Variants in CASS4 observed in about 807,000 individuals in gnomAD.
CASS4 encodes the protein cas scaffolding protein family member 4.
A neutral mutation model predicts 54.2 loss-of-function variants in CASS4; 22 were observed. The ratio of observed to expected loss-of-function variants is 0.41; its 90% CI spans 0.29 to 0.58. CASS4 has a LOEUF of 0.58. CASS4 is among the 20% of genes least tolerant of loss of function. The probability of loss-of-function intolerance (pLI) is 0.36; values close to 1 mark genes in which losing one functional copy is unlikely to be tolerated. For synonymous variants in CASS4, 409 were observed against 391.5 expected (o/e 1.04, Z -0.53); for missense variants, 854 against 986.7 (o/e 0.87, Z 1.80).
intron 4 of CASS4, among the ~76,000 whole-genome samples, chr20:56,451,284 A>T (rs1980982130): frequency 6.6e-6 from 1 of 152,168 alleles, no homozygotes; most frequent in African/African-American, 2.4e-5. Context: ...TCTTCTTACG[A>T]CAGACCTCAG....
At chr20:56,413,187 A>AAAG (rs1430434218) in intron 1 of CASS4, among the ~76,000 whole-genome samples, 4 of 151,842 alleles carry the variant, frequency 2.6e-5, no homozygotes, top group Non-Finnish European at 5.9e-5. Context: ...AAAAAAAAGA[A>AAAG]AAGAAAAGTT....
chr20:56,425,488 G>C (rs145340947), intron 1 of CASS4, among the ~76,000 whole-genome samples: 1 of 152,246 alleles, frequency 6.6e-6, no homozygotes, highest in African/African-American at 2.4e-5. Flanking sequence ...GGGATGGCCA[G>C]TGAGAAGTAG....
At position 56,452,254 on chromosome 20, in the gene CASS4, TC is replaced by T; in HGVS notation, c.1079del (p.Ser360PhefsTer85). On this transcript the variant is annotated frameshift_variant, in exon 5 of 6. Transcript: ENST00000679887. LOFTEE classifies it high-confidence loss of function. ...CATCCCTAAAGCAACGTCGAGTGTT[TC>T]TCAGGCTGGGAAGGAGCTGGAGAAA... ...YDIPKATSSVSQAGKELEKAK... is the reference protein window; with the variant it reads ...YDIPKATSSVXQAGKELEKAK... The T allele has an allele frequency of 6.2e-7, 1 of 1,614,038 alleles. No individual in the cohort carries two copies. The highest frequency in any genetic ancestry group is 1.1e-5 in the South Asian group (1 of 91,082).
chr20:56,434,127 C>A (rs6014727), intron 1 of CASS4, among the ~76,000 whole-genome samples: 43,815 of 152,020 alleles, frequency 0.29, 8,205 homozygotes, highest in East Asian at 0.57. Context: ...TCTCATTCAC[C>A]GTGGGTGGAG....
At chr20:56,453,259 A>G in intron 5 of CASS4, 130 bp downstream of exon 5, 1 of 677,956 alleles carries the variant, frequency 1.5e-6, no homozygotes, top group Non-Finnish European at 2.4e-6. Context: ...TTTCTAGAAA[A>G]TAAAATTTAT....
chr20:56,417,787 C>T (rs1979216719), intron 1 of CASS4, among the ~76,000 whole-genome samples: 1 of 152,224 alleles, frequency 6.6e-6, no homozygotes, highest in South Asian at 2.1e-4. Flanking sequence ...TGACTCTCAG[C>T]TCTCTAACCC....
Position 56,430,893 on chromosome 20 carries a change from A to G in CASS4, c.37-6271A>G, listed in dbSNP as rs1234920109. On this transcript the variant is annotated intron_variant, in intron 1 of 5. Transcript: ENST00000679887. The surrounding 1 kb of genome is among the most constrained non-coding windows in gnomAD (Gnocchi z 4.2). The stretch of plus-strand genomic sequence containing the variant: ...AAGAAAACAATGTGACTGGAGGGAA[A>G]TGAATGAGGGTAGAGCTGCAAACTG... Among the ~76,000 whole-genome samples, 1 of 152,222 alleles carries G rather than the reference A, an allele frequency of 6.6e-6. No homozygotes were observed. The highest frequency in any genetic ancestry group is 1.5e-5 in the Non-Finnish European group (1 of 68,042).
chr20:56,426,105 A>G (rs1158488206), intron 1 of CASS4, among the ~76,000 whole-genome samples: 4 of 152,104 alleles, frequency 2.6e-5, no homozygotes, highest in Non-Finnish European at 5.9e-5. Flanking sequence ...AGATGTCCAC[A>G]CCGTCTTGTG....
At chr20:56,445,724 C>G (rs1349715679) in intron 2 of CASS4, among the ~76,000 whole-genome samples, 176 bp from the exon 3 acceptor site, 2 of 152,212 alleles carry the variant, frequency 1.3e-5, no homozygotes, top group Non-Finnish European at 2.9e-5. Flanking sequence ...CACCGGGGAG[C>G]CTCCCACCCG....
chr20:56,437,579 C>T lies in CASS4; in HGVS notation c.452C>T (p.Pro151Leu). 6.5e-7 allele frequency: 1 copy of T among 1,534,006 alleles called. No homozygotes were observed. The highest frequency in any genetic ancestry group is 8.8e-7 in the Non-Finnish European group (1 of 1,141,214). Residue 151 changes from proline to leucine, a missense_variant, in exon 2 of 6, where the codon CCA (proline) becomes CTA (leucine). By Grantham distance (98) the Pro-to-Leu change is moderately conservative (BLOSUM62 -3). Transcript: ENST00000679887. The surrounding 1 kb of genome is among the most constrained non-coding windows in gnomAD (Gnocchi z 4.7). ...RIICEKTLSF[P>L]KQAILTLPRP... ...ATCTGTGAAAAGACTCTCAGCTTTC[C>T]AAAACAGGTACGCATACTTCCACCT...
At chr20:56,448,742 A>G (rs1379227843) in intron 3 of CASS4, among the ~76,000 whole-genome samples, 1 of 152,090 alleles carries the variant, frequency 6.6e-6, no homozygotes, top group African/African-American at 2.4e-5. Flanking sequence ...TTTGTATCCT[A>G]ATATATATGT....
chr20:56,414,720 G>A lies in CASS4; in HGVS notation c.36+2226G>A, dbSNP rs1979047666. On this transcript the variant is annotated intron_variant, in intron 1 of 5. Coordinates refer to ENST00000679887, the MANE Select transcript of CASS4 (RefSeq NM_020356.4). This position sits in a 1 kb window ranked among gnomAD's most constrained non-coding sequence, Gnocchi z 4.1. ...AATCCCACCACTTTCAGAGGCTGAA[G>A]CGTGTGGATCACCTGAGGTCAGGGG... Among the ~76,000 whole-genome samples the A allele has an allele frequency of 6.6e-6, 1 of 152,202 alleles. No homozygotes were observed. Among genetic ancestry groups the A allele is most frequent in the African/African-American group, 2.4e-5 (1 of 41,450 alleles).
intron 1 of CASS4, among the ~76,000 whole-genome samples, chr20:56,432,884 A>G (rs1329775938): frequency 7.6e-6 from 1 of 132,054 alleles, no homozygotes; most frequent in African/African-American, 4.1e-5. Flanking sequence ...AAGGTCATCC[A>G]AAAGTGTGGG....
chr20:56,432,903 T>TGGGG (rs1569144460), intron 1 of CASS4, among the ~76,000 whole-genome samples: 1 of 151,716 alleles, frequency 6.6e-6, no homozygotes, highest in African/African-American at 2.4e-5. Context: ...GGCAGGGGCG[T>TGGGG]CACAGAAATC....
At chr20:56,432,901 C>CGG (rs1569144445) in intron 1 of CASS4, among the ~76,000 whole-genome samples, 1 of 151,690 alleles carries the variant, frequency 6.6e-6, no homozygotes, top group African/African-American at 2.4e-5. Flanking sequence ...TGGGCAGGGG[C>CGG]GTCACAGAAA....
At chr20:56,419,460 C>T (rs1418984726) in intron 1 of CASS4, among the ~76,000 whole-genome samples, 1 of 152,034 alleles carries the variant, frequency 6.6e-6, no homozygotes, top group African/African-American at 2.4e-5. Flanking sequence ...TCCCCCACAC[C>T]ACCCCCGCTC....
chr20:56,437,049 T>G lies in CASS4; in HGVS notation c.37-115T>G. 1.1e-6 allele frequency: 1 copy of G among 947,160 alleles called. No individual in the cohort carries two copies. The highest frequency in any genetic ancestry group is 1.6e-6 in the Non-Finnish European group (1 of 636,386). The allele number at this position is 947,160 out of a possible 1,614,324, so 58.7% of individuals were successfully genotyped here. On this transcript the variant is annotated intron_variant, in intron 1 of 5. Transcript: ENST00000679887. The surrounding 1 kb of genome is among the most constrained non-coding windows in gnomAD (Gnocchi z 4.7). ...ACAAGAGCCTCTGGGGTGGAAGAAA[T>G]GAAATGAAAGGGCATGATGAATTTG...
In CASS4 at chr20:56,448,128, T is replaced by C. The variant is rs563779452; in HGVS notation, c.561+2127T>C. Reference sequence around the variant, plus strand: ...CTGCACTCCAGCCTGGGAGACAGAGTGAGACTCTGTCTCAAAAAAAAAAAA... The same window carrying C: ...CTGCACTCCAGCCTGGGAGACAGAGCGAGACTCTGTCTCAAAAAAAAAAAA... On this transcript the variant is annotated intron_variant, in intron 3 of 5. Coordinates refer to ENST00000679887, the MANE Select transcript of CASS4 (RefSeq NM_020356.4). 3.4e-3 allele frequency among the ~76,000 whole-genome samples: 441 copies of C among 130,316 alleles called. 4 individuals carry two copies. The highest frequency in any genetic ancestry group is 0.013 in the African/African-American group (382 of 30,074). 85.5% of individuals were successfully genotyped at this position (130,316 alleles called of 152,430 possible).
Position 56,458,657 on chromosome 20 carries a change from G to A in CASS4, c.2271G>A (p.Thr757=), listed in dbSNP as rs3746626. ...TGGCCACTAAGAATGCCGTGCTCAC[G>A]TACCCCAGCCCTGCCGCGCTGGGGC... ...VALATKNAVL[T]YPSPAALGHL... is the part of the protein sequence containing the mutation. Residue 757 remains threonine, a synonymous_variant, in exon 6 of 6, where the codon ACG becomes ACA. Transcript: ENST00000679887. 600,989 of 1,612,526 alleles carry A rather than the reference G, an allele frequency of 0.37. 123,298 individuals carry two copies. The highest frequency in any genetic ancestry group is 0.94 in the East Asian group (42,258 of 44,826).
Sources: allele counts gnomAD v4.1 joint callset (sites outside exome capture counted in the v4.1 genomes callset), GRCh38; gene constraint gnomAD v4.1.1; non-coding constraint Gnocchi (gnomAD v3.1); transcripts MANE v1.5; gene names NCBI Gene and HGNC (gene_info 2026-07-23, HGNC 2026-07-21).